RPGRIP1: variants seen among roughly 807,000 people sequenced by gnomAD.
RPGRIP1 encodes the protein RPGR interacting protein 1.
A neutral mutation model predicts 157.9 loss-of-function variants in RPGRIP1; 128 were observed. That is an observed-to-expected ratio of 0.81 (90% CI 0.70 to 0.94). The LOEUF is 0.94. Ranked by LOEUF, RPGRIP1 falls within the 40% of genes least tolerant of loss-of-function variation. RPGRIP1 has a pLI of 0.00. For missense variants in RPGRIP1, 1,486 were observed against 1,545.8 expected (o/e 0.96, Z 0.65); for synonymous variants, 554 against 571.6 (o/e 0.97, Z 0.44).
Position 21,325,089 on chromosome 14 carries a change from C to T in RPGRIP1, c.2215+19C>T, listed in dbSNP as rs1364312781. On this transcript the variant is annotated intron_variant, in intron 15 of 24. Coordinates refer to ENST00000400017, the MANE Select transcript of RPGRIP1 (RefSeq NM_020366.4). ...CTGATTGGTAAGTGCCGTTGGCTTC[C>T]TGCGGCTCCTAAGCACCAATGCAGA... 8.2e-6 allele frequency: 13 copies of T among 1,588,094 alleles called. No individual in the cohort carries two copies. The highest frequency in any genetic ancestry group is 2.3e-5 in the South Asian group (2 of 88,250).
intron 1 of RPGRIP1, among the ~76,000 whole-genome samples, chr14:21,283,452 GC>G (rs1157896164): frequency 1.3e-5 from 2 of 151,834 alleles, no homozygotes; most frequent in Non-Finnish European, 2.9e-5. Flanking sequence ...ACAGGCATGA[GC>G]CACTACACCC....
In RPGRIP1 at chr14:21,334,659, G is replaced by A. The variant is rs2139288372; in HGVS notation, c.3293G>A (p.Ser1098Asn). 1.9e-6 allele frequency: 3 copies of A among 1,609,434 alleles called. No homozygotes were observed. The highest frequency in any genetic ancestry group is 2.5e-6 in the Non-Finnish European group (3 of 1,178,474). Reference protein sequence around the residue: ...SEVSEAQTTDSDDVIVPPMSQ... With the variant: ...SEVSEAQTTDNDDVIVPPMSQ... ...GTCAGTGAAGCACAAACTACCGACAGTGATGATGTCATAGTGCCACCCATG... is the reference window on the plus strand; with the variant it reads ...GTCAGTGAAGCACAAACTACCGACAATGATGATGTCATAGTGCCACCCATG... The change falls in exon 21 of 25, where the codon AGT (serine) becomes AAT (asparagine). Residue 1098 changes from serine (S) to asparagine (N), a missense_variant. By Grantham distance (46) the Ser-to-Asn change is conservative. Transcript: ENST00000400017.
At chr14:21,344,982 T>C (rs2139349033) in intron 22 of RPGRIP1, 131 bp from the exon 23 acceptor site, 1 of 660,726 alleles carries the variant, frequency 1.5e-6, no homozygotes, top group Non-Finnish European at 2.8e-6. Flanking sequence ...AGTTGGTCCA[T>C]GTTATTCTAG....
chr14:21,314,714 GAAA>G (rs557139978), intron 10 of RPGRIP1, among the ~76,000 whole-genome samples: 1 of 131,054 alleles, frequency 7.6e-6, no homozygotes. Flanking sequence ...ACTCTGTCTC[GAAA>G]AAAAAAAAAA....
intron 21 of RPGRIP1, among the ~76,000 whole-genome samples, chr14:21,338,010 A>G (rs929913574): frequency 1.3e-5 from 2 of 151,924 alleles, no homozygotes; most frequent in Admixed American, 6.6e-5. Flanking sequence ...TCCGCCCCCC[A>G]GGTTCAAGCA....
intron 3 of RPGRIP1, among the ~76,000 whole-genome samples, chr14:21,296,314 G>T (rs1028026003): frequency 2.0e-5 from 3 of 151,578 alleles, no homozygotes; most frequent in Non-Finnish European, 4.4e-5. Flanking sequence ...CAATCAGCCT[G>T]CCTCGGCCTC....
intron 11 of RPGRIP1, 180 bp downstream of exon 11, chr14:21,318,030 A>T (rs1881951346): frequency 1.4e-6 from 1 of 701,870 alleles, no homozygotes; most frequent in South Asian, 1.6e-5. Flanking sequence ...AAAACATGAC[A>T]CTTACCTACC....
intron 11 of RPGRIP1, among the ~76,000 whole-genome samples, chr14:21,318,835 G>C (rs1882083318): frequency 3.3e-5 from 5 of 151,710 alleles, no homozygotes; most frequent in Admixed American, 3.3e-4. Context: ...GAGGTAACTG[G>C]AATACTTTTT....
At chr14:21,348,943 G>A (rs971081270) in intron 24 of RPGRIP1, among the ~76,000 whole-genome samples, 1 of 151,810 alleles carries the variant, frequency 6.6e-6, no homozygotes, top group African/African-American at 2.4e-5. Context: ...TTGCAGGTGT[G>A]AGCCACTGCA....
intron 21 of RPGRIP1, among the ~76,000 whole-genome samples, chr14:21,339,870 C>T (rs1884808261): frequency 6.6e-6 from 1 of 152,184 alleles, no homozygotes. Context: ...TCTCTTGAAT[C>T]TTACATACTA....
At chr14:21,339,678 C>T (rs1235006918) in intron 21 of RPGRIP1, among the ~76,000 whole-genome samples, 1 of 152,126 alleles carries the variant, frequency 6.6e-6, no homozygotes, top group East Asian at 1.9e-4. Context: ...TTAGACAGAA[C>T]TCTAATGGGT....
chr14:21,317,427 G>A (rs1881880398), intron 10 of RPGRIP1: 1 of 677,058 alleles, frequency 1.5e-6, no homozygotes, highest in Non-Finnish European at 2.4e-6. Flanking sequence ...TCATGGTGGA[G>A]AAGTTCCTTG....
chr14:21,319,483 C>T (rs1002383515), intron 11 of RPGRIP1, among the ~76,000 whole-genome samples: 4 of 152,074 alleles, frequency 2.6e-5, no homozygotes, highest in Non-Finnish European at 1.5e-5. Flanking sequence ...AATCGTTGAA[C>T]CCTGGAGGCA....
chr14:21,318,408 G>A (rs182281604), intron 11 of RPGRIP1, among the ~76,000 whole-genome samples: 1 of 152,016 alleles, frequency 6.6e-6, no homozygotes, highest in Admixed American at 6.6e-5. Flanking sequence ...CACTGTGCCC[G>A]ACCTGCCAGT....
At chr14:21,350,391 A>AAAAAAAG (rs61359212) in intron 24 of RPGRIP1, among the ~76,000 whole-genome samples, 1 of 142,790 alleles carries the variant, frequency 7.0e-6, no homozygotes, top group African/African-American at 2.6e-5. Flanking sequence ...AAAAAAAAAA[A>AAAAAAAG]AAAAAGAAAA....
Position 21,343,025 on chromosome 14 carries a change from T to C in RPGRIP1, c.3340-11T>C. The C allele has an allele frequency of 6.2e-7, 1 of 1,607,014 alleles. No individual in the cohort carries two copies. The highest frequency in any genetic ancestry group is 8.5e-7 in the Non-Finnish European group (1 of 1,175,144). ...AACCTTTAGGAACTAAATAAACATT[T>C]TCCTTATCAGGATTCAGAGAAGATG... On this transcript the variant is annotated splice_polypyrimidine_tract_variant and intron_variant, in intron 21 of 24. Coordinates refer to ENST00000400017, the MANE Select transcript of RPGRIP1 (RefSeq NM_020366.4).
intron 20 of RPGRIP1, among the ~76,000 whole-genome samples, chr14:21,331,852 A>G (rs569831435): frequency 6.6e-6 from 1 of 151,950 alleles, no homozygotes; most frequent in African/African-American, 2.4e-5. Context: ...ATAAAGGTAG[A>G]TATGGAAATA....
chr14:21,333,972 G>C (rs142459836), intron 20 of RPGRIP1, among the ~76,000 whole-genome samples: 3,733 of 149,372 alleles, frequency 0.025, 160 homozygotes, highest in African/African-American at 0.088. Flanking sequence ...GCCCAGGCTG[G>C]AGTGCAGTGG....
At chr14:21,285,588 G>A (rs1880270895) in intron 1 of RPGRIP1, among the ~76,000 whole-genome samples, 1 of 144,738 alleles carries the variant, frequency 6.9e-6, no homozygotes, top group Non-Finnish European at 1.5e-5. Flanking sequence ...CTGGGTGACA[G>A]AGTGAGACTC....
Sources: gnomAD v4.1 joint callset for allele counts (sites outside exome capture counted in the v4.1 genomes callset) on GRCh38, gnomAD v4.1.1 for gene constraint, MANE v1.5 for transcripts, NCBI Gene and HGNC (gene_info 2026-07-23, HGNC 2026-07-21) for gene names.